The following NECTIN1 variants were observed in gnomAD, a reference collection of about 807,000 sequenced individuals.
NECTIN1 encodes the protein nectin cell adhesion molecule 1.
In NECTIN1, 23 loss-of-function variants were observed where a neutral mutation model predicts 48.0. The observed-to-expected ratio is 0.48, with a 90% CI of 0.34 to 0.68. The LOEUF is 0.68. NECTIN1 is among the 30% of genes least tolerant of loss of function. The pLI is 0.01. For missense variants in NECTIN1, 591 were observed against 709.9 expected (o/e 0.83, Z 1.90); for synonymous variants, 270 against 288.9 (o/e 0.93, Z 0.66).
At chr11:119,716,178 A>G (rs1471607979) in intron 1 of NECTIN1, among the ~76,000 whole-genome samples, 2 of 152,136 alleles carry the variant, frequency 1.3e-5, no homozygotes, top group Non-Finnish European at 2.9e-5. Context: ...CAGGGGCCTG[A>G]GACTAAGACA....
At chr11:119,688,824 T>C (rs1565392817) in intron 1 of NECTIN1, among the ~76,000 whole-genome samples, 1 of 151,660 alleles carries the variant, frequency 6.6e-6, no homozygotes, top group African/African-American at 2.4e-5. Context: ...TGAGTTGTGT[T>C]TGGGGGAGAC....
chr11:119,638,450 G>A (rs1240856875), intron 7 of NECTIN1, among the ~76,000 whole-genome samples: 1 of 152,152 alleles, frequency 6.6e-6, no homozygotes, highest in African/African-American at 2.4e-5. Context: ...CCAGCTTGGG[G>A]CCAGGCACCT....
intron 1 of NECTIN1, among the ~76,000 whole-genome samples, chr11:119,723,204 G>C (rs146149150): frequency 0.014 from 1,712 of 119,660 alleles, 37 homozygotes; most frequent in African/African-American, 0.056. Flanking sequence ...GGGGGAGAGC[G>C]AGACTCTGTC....
At chr11:119,691,880 C>T (rs528203905) in intron 1 of NECTIN1, among the ~76,000 whole-genome samples, 1 of 152,330 alleles carries the variant, frequency 6.6e-6, no homozygotes, top group South Asian at 2.1e-4. Context: ...CTTCCTCCCT[C>T]TTTCTCAGCA....
In NECTIN1 at chr11:119,673,897, C is replaced by T. The variant is rs1864901106; in HGVS notation, c.1003+1262G>A. 6.6e-6 allele frequency among the ~76,000 whole-genome samples: 1 copy of T among 152,238 alleles called. No homozygotes were observed. Among genetic ancestry groups the T allele is most frequent in the South Asian group, 2.1e-4 (1 of 4,838 alleles). ...TCCCCAGGCTCCAACCCTGATGCTCCTCCTCCTATGACTAGTCTCGGGGCC... is the reference window on the plus strand; with the variant it reads ...TCCCCAGGCTCCAACCCTGATGCTCTTCCTCCTATGACTAGTCTCGGGGCC... On this transcript the variant is annotated intron_variant, in intron 5 of 5. Transcript: ENST00000264025. This position sits in a 1 kb window ranked among gnomAD's most constrained non-coding sequence, Gnocchi z 5.8.
intron 1 of NECTIN1, among the ~76,000 whole-genome samples, chr11:119,690,801 G>A (rs1417551232): frequency 1.3e-5 from 2 of 152,152 alleles, no homozygotes; most frequent in Non-Finnish European, 2.9e-5. Context: ...TGCCACAGAG[G>A]TGGGGGAACT....
In NECTIN1 at chr11:119,674,258, C is replaced by T. The variant is rs74795287; in HGVS notation, c.1003+901G>A. The T allele has an allele frequency of 4.2e-3, 4,526 of 1,074,782 alleles. 30 individuals carry two copies. The highest frequency in any genetic ancestry group is 0.041 in the East Asian group (938 of 22,678). The allele number at this position is 1,074,782 out of a possible 1,614,324, so 66.6% of individuals were successfully genotyped here. ...TCCTTTTTTAAGACACTCGGTCACC[C>T]TGTCACCCTGCAGATAGCTCAGGTC... is the stretch of plus-strand genomic sequence containing the variant. On this transcript the variant is annotated intron_variant, in intron 5 of 5. Transcript: ENST00000264025.
chr11:119,662,238 C>T lies in NECTIN1; in HGVS notation c.*2509G>A, dbSNP rs116014183. On this transcript the variant is annotated 3_prime_UTR_variant, in exon 6 of 6. Coordinates refer to ENST00000264025, the MANE Select transcript of NECTIN1 (RefSeq NM_002855.5). This position sits in a 1 kb window ranked among gnomAD's most constrained non-coding sequence, Gnocchi z 5.3. The stretch of plus-strand genomic sequence containing the variant: ...CTGCTGGGCTAGACCTCCCTTTTGC[C>T]AGCTGGCTGTGTCTGTGGGCCCAGC... 435 of 985,540 alleles carry T rather than the reference C, an allele frequency of 4.4e-4. 2 individuals are homozygous for T. In the African/African-American group the frequency reaches 7.0e-3, roughly 16 times the overall value. The allele number at this position is 985,540 out of a possible 1,614,324, so 61.0% of individuals were successfully genotyped here.
At chr11:119,655,757 C>T (rs1280290395) in intron 5 of NECTIN1, among the ~76,000 whole-genome samples, 6 of 151,988 alleles carry the variant, frequency 3.9e-5, no homozygotes, top group South Asian at 2.1e-4. Context: ...AAATTTTGTC[C>T]GCATAGAAGG....
intron 1 of NECTIN1, among the ~76,000 whole-genome samples, chr11:119,712,673 C>T (rs1275505776): frequency 1.3e-5 from 2 of 152,178 alleles, no homozygotes; most frequent in Non-Finnish European, 2.9e-5. Context: ...AGATCTCTGC[C>T]CTTGGCGCAA....
Position 119,645,852 on chromosome 11 carries a change from G to A in NECTIN1, c.1004-5840C>T, listed in dbSNP as rs1014019488. Among the ~76,000 whole-genome samples the A allele has an allele frequency of 2.6e-5, 4 of 152,194 alleles. No homozygotes were observed. In the South Asian group the frequency reaches 8.3e-4, roughly 31 times the overall value. ...TTCAACTGCTTTCCTCTGAGCCAGG[G>A]TGGTGAGGGAACCCACCTAGAGACT... On this transcript the variant is annotated intron_variant, in intron 5 of 7. Transcript: ENST00000341398.
In NECTIN1 at chr11:119,662,877, C is replaced by T; in HGVS notation, c.*1870G>A. 2.0e-6 allele frequency: 2 copies of T among 986,192 alleles called. No homozygotes were observed. The highest frequency in any genetic ancestry group is 2.4e-6 in the Non-Finnish European group (2 of 830,190). The allele number at this position is 986,192 out of a possible 1,614,324, so 61.1% of individuals were successfully genotyped here. A position where few individuals can be genotyped will look rare whatever the true frequency, so the allele number is the denominator to read the frequency against. On this transcript the variant is annotated 3_prime_UTR_variant, in exon 6 of 6. Coordinates refer to ENST00000264025, the MANE Select transcript of NECTIN1 (RefSeq NM_002855.5). This position sits in a 1 kb window ranked among gnomAD's most constrained non-coding sequence, Gnocchi z 5.3. ...GAGAGCCGCACCAGGGCTGGCATGG[C>T]TTCAGACTTCTGCTACGTGGCTACT...
rs137909701 is a variant in NECTIN1, at chr11:119,664,967, CCCTCCTCCT to C, written c.1325_1333del (p.Glu442_Glu444del). On this transcript the variant is annotated inframe_deletion, in exon 6 of 6. Coordinates refer to ENST00000264025, the MANE Select transcript of NECTIN1 (RefSeq NM_002855.5). ...CACCTTGCGCTCGCCCCCTCCACCG[CCCTCCTCCT>C]CCTCCTCCTCCTCCTCATAGCTGCT... 64 of 1,610,508 alleles carry C rather than the reference CCCTCCTCCT, an allele frequency of 4.0e-5. No individual in the cohort carries two copies. Among genetic ancestry groups the C allele is most frequent in the East Asian group, 6.7e-5 (3 of 44,834 alleles).
At chr11:119,646,487 C>T (rs1038096632) in intron 5 of NECTIN1, among the ~76,000 whole-genome samples, 1 of 152,218 alleles carries the variant, frequency 6.6e-6, no homozygotes, top group Non-Finnish European at 1.5e-5. Flanking sequence ...TGTGCTGGCT[C>T]TCTGGGCCAA....
chr11:119,698,926 C>A (rs548094671), intron 1 of NECTIN1, among the ~76,000 whole-genome samples: 1 of 152,318 alleles, frequency 6.6e-6, no homozygotes, highest in South Asian at 2.1e-4. Flanking sequence ...CACAGCTGCT[C>A]CCATTTGTGT....
intron 1 of NECTIN1, among the ~76,000 whole-genome samples, chr11:119,707,210 A>T (rs1865563517): frequency 6.6e-6 from 1 of 152,106 alleles, no homozygotes; most frequent in Non-Finnish European, 1.5e-5. Context: ...TCTCTGTGTG[A>T]CCAGGCTGCT....
chr11:119,703,983 C>T (rs933793166), intron 1 of NECTIN1, among the ~76,000 whole-genome samples: 2 of 152,112 alleles, frequency 1.3e-5, no homozygotes, highest in African/African-American at 2.4e-5. Flanking sequence ...ACTCGGAGTA[C>T]GTGTTAGTGT....
At chr11:119,702,686 G>GT (rs1230934721) in intron 1 of NECTIN1, among the ~76,000 whole-genome samples, 1 of 152,070 alleles carries the variant, frequency 6.6e-6, no homozygotes, top group African/African-American at 2.4e-5. Flanking sequence ...TTTTTTTCTC[G>GT]TCTATAAAAA....
intron 5 of NECTIN1, chr11:119,640,097 T>C (rs1376616581): frequency 1.4e-6 from 2 of 1,402,504 alleles, no homozygotes; most frequent in African/African-American, 1.4e-5. Flanking sequence ...AGTCAGACCC[T>C]GAGGCAGTAC....
Sources: allele counts gnomAD v4.1 joint callset (sites outside exome capture counted in the v4.1 genomes callset), GRCh38; gene constraint gnomAD v4.1.1; non-coding constraint Gnocchi (gnomAD v3.1); transcripts MANE v1.5; gene names NCBI Gene and HGNC (gene_info 2026-07-23, HGNC 2026-07-21).